The following HABP2 variants were observed in gnomAD, a reference collection of about 807,000 sequenced individuals.
HABP2 encodes hyaluronan binding protein 2, also known as factor VII-activating protease.
A neutral mutation model predicts 66.5 loss-of-function variants in HABP2; 65 were observed. That is an observed-to-expected ratio of 0.98 (90% CI 0.80 to 1.20). HABP2 has a LOEUF of 1.20. Among genes scored for constraint, HABP2 ranks in the 50% most tolerant of loss-of-function variants. The pLI, the probability that HABP2 is intolerant of heterozygous loss-of-function variation, is 0.00. For synonymous variants in HABP2, 263 were observed against 253.9 expected (o/e 1.04, Z -0.34); for missense variants, 786 against 691.0 (o/e 1.14, Z -1.54).
At position 113,565,123 on chromosome 10, in the gene HABP2, C is replaced by A. The variant is rs181887275; in HGVS notation, c.70-2366C>A. 1.1e-3 allele frequency among the ~76,000 whole-genome samples: 168 copies of A among 152,328 alleles called. 1 individual carries two copies. Among genetic ancestry groups the A allele is most frequent in the African/African-American group, 3.8e-3 (160 of 41,566 alleles). ...CCTCCCAAAGTGCTGGGATTACAGG[C>A]GTGAGCCACCACGCCCAGCCAGCGT... On this transcript the variant is annotated intron_variant, in intron 1 of 12. Transcript: ENST00000351270.
intron 12 of HABP2, among the ~76,000 whole-genome samples, 171 bp downstream of exon 12, chr10:113,586,109 G>T (rs974787021): frequency 8.5e-5 from 13 of 152,200 alleles, no homozygotes; most frequent in Admixed American, 6.5e-4. Context: ...ATCTGCATCC[G>T]CATCAACCCA....
chr10:113,556,498 TG>T (rs1268863307), intron 1 of HABP2, among the ~76,000 whole-genome samples: 1 of 152,128 alleles, frequency 6.6e-6, no homozygotes, highest in African/African-American at 2.4e-5. Flanking sequence ...GAGGATTGCT[TG>T]AGGCCAGGAG....
intron 4 of HABP2, 151 bp downstream of exon 4, chr10:113,576,155 G>A: frequency 1.7e-6 from 1 of 600,504 alleles, no homozygotes. Context: ...GTCCCAGGCA[G>A]CCTCTCACTG....
rs140540118 is a variant in HABP2 at position 113,578,764 on chromosome 10, G to A, written c.706G>A (p.Glu236Lys). ...TTACAACATGTTTATGGAGGATGCT[G>A]AAACCCATGGGATTGGGGAACACAA... Reference protein sequence around the residue: ...ENYNMFMEDAETHGIGEHNFC... With the variant: ...ENYNMFMEDAKTHGIGEHNFC... Residue 236 changes from glutamate (E) to lysine (K), a missense_variant, in exon 7 of 13, where the codon GAA becomes AAA. Coordinates refer to ENST00000351270, the MANE Select transcript of HABP2 (RefSeq NM_004132.5). The A allele has an allele frequency of 1.5e-4, 249 of 1,612,344 alleles. 3 individuals are homozygous for A. The highest frequency in any genetic ancestry group is 3.6e-5 in the Non-Finnish European group (42 of 1,178,538).
chr10:113,571,905 C>T (rs999746205), intron 2 of HABP2, among the ~76,000 whole-genome samples: 3 of 152,238 alleles, frequency 2.0e-5, no homozygotes, highest in East Asian at 1.9e-4. Flanking sequence ...AGACAAGTTA[C>T]ATATGCAGAC....
At chr10:113,586,965 G>A (rs1364397340) in intron 12 of HABP2, among the ~76,000 whole-genome samples, 1 of 152,158 alleles carries the variant, frequency 6.6e-6, no homozygotes, top group Non-Finnish European at 1.5e-5. Context: ...TCAGAGGAGG[G>A]GCAGATGGGT....
At chr10:113,580,862 G>A (rs1488605750) in intron 8 of HABP2, among the ~76,000 whole-genome samples, 170 bp downstream of exon 8, 1 of 152,204 alleles carries the variant, frequency 6.6e-6, no homozygotes. Context: ...CCACCAGGAT[G>A]CCAAGCAGGT....
At position 113,553,102 on chromosome 10, in the gene HABP2, C is replaced by A; in HGVS notation, c.-20C>A. The A allele has an allele frequency of 6.2e-7, 1 of 1,602,074 alleles. No homozygotes were observed. The highest frequency in any genetic ancestry group is 8.6e-7 in the Non-Finnish European group (1 of 1,169,154). ...AAGAAATTTTATTGAGAGGAAAACA[C>A]AAGTCCTTAAACTGCAAAGATGTTT... On this transcript the variant is annotated 5_prime_UTR_variant, in exon 1 of 13. Transcript: ENST00000351270.
At chr10:113,576,859 A>T (rs1242245271) in intron 4 of HABP2, among the ~76,000 whole-genome samples, 1 of 152,216 alleles carries the variant, frequency 6.6e-6, no homozygotes, top group African/African-American at 2.4e-5. Flanking sequence ...TTAGCTAGAA[A>T]ATGGAGAGAC....
chr10:113,589,023 A>G lies in HABP2; in HGVS notation c.*654A>G, dbSNP rs1391797554. 1.9e-6 allele frequency: 3 copies of G among 1,614,036 alleles called. No homozygotes were observed. The highest frequency in any genetic ancestry group is 2.5e-6 in the Non-Finnish European group (3 of 1,180,008). ...TTTTGACGTGCAGAATCTCAGTGGC[A>G]TCTGGGTTCACCTCCCCACTCTGAT... On this transcript the variant is annotated 3_prime_UTR_variant, in exon 13 of 13. Coordinates refer to ENST00000351270, the MANE Select transcript of HABP2 (RefSeq NM_004132.5).
In HABP2 at chr10:113,571,095, C is replaced by T. The variant is rs367766101; in HGVS notation, c.107-3194C>T. ...GTCGGTTTGTTATTATTGCATAATA[C>T]GCTACCCCAAACTTAGTAGCTTAAA... On this transcript the variant is annotated intron_variant, in intron 2 of 12. Coordinates refer to ENST00000351270, the MANE Select transcript of HABP2 (RefSeq NM_004132.5). Among the ~76,000 whole-genome samples, 16 of 152,312 alleles carry T rather than the reference C, an allele frequency of 1.1e-4. No homozygotes were observed. In the East Asian group the frequency reaches 1.5e-3, roughly 15 times the overall value.
At chr10:113,556,966 C>A (rs10509981) in intron 1 of HABP2, among the ~76,000 whole-genome samples, 41,039 of 151,910 alleles carry the variant, frequency 0.27, 6,486 homozygotes, top group Non-Finnish European at 0.37. Flanking sequence ...TAGAACTCTT[C>A]CTCTTGACCA....
At chr10:113,565,171 C>A (rs1298094106) in intron 1 of HABP2, among the ~76,000 whole-genome samples, 3 of 152,234 alleles carry the variant, frequency 2.0e-5, no homozygotes, top group Admixed American at 2.0e-4. Flanking sequence ...AGTACATTTT[C>A]CTACAGAACT....
intron 1 of HABP2, among the ~76,000 whole-genome samples, chr10:113,561,021 G>A (rs1833152385): frequency 1.3e-5 from 2 of 152,208 alleles, no homozygotes; most frequent in Non-Finnish European, 2.9e-5. Context: ...CGATAAATGT[G>A]ATGTTCTGTA....
At chr10:113,569,853 G>A (rs2133760732) in intron 2 of HABP2, 1 of 152,448 alleles carries the variant, frequency 6.6e-6, no homozygotes, top group East Asian at 1.9e-4. Flanking sequence ...GGAGCCGTCT[G>A]TGCCACAGTG....
chr10:113,584,236 C>T lies in HABP2; in HGVS notation c.1326C>T (p.Pro442=), dbSNP rs1253135022. The T allele has an allele frequency of 1.9e-6, 3 of 1,613,882 alleles. No homozygotes were observed. The highest frequency in any genetic ancestry group is 1.7e-5 in the Admixed American group (1 of 60,026). ...KTVCLPDGSF[P]SGSECHISGW... ...TGTGCTTGCCTGATGGGTCCTTTCC[C>T]TCTGGGAGTGAGTGCCACATCTCTG... is the stretch of plus-strand genomic sequence containing the variant. Residue 442 remains proline (P), a synonymous_variant, in exon 11 of 13, where the codon CCC becomes CCT. Transcript: ENST00000351270.
Position 113,578,611 on chromosome 10 carries a change from A to G in HABP2, c.569-16A>G, listed in dbSNP as rs781738576. 20 of 1,596,508 alleles carry G rather than the reference A, an allele frequency of 1.3e-5. No individual in the cohort carries two copies. The highest frequency in any genetic ancestry group is 4.3e-6 in the Non-Finnish European group (5 of 1,168,448). ...AATGGCTGTTGGTTCTCACATTGCT[A>G]CCTGCTCTCTCGGAGGTTCTGATGA... On this transcript the variant is annotated splice_polypyrimidine_tract_variant and intron_variant, in intron 6 of 12. Transcript: ENST00000351270.
chr10:113,579,420 A>G (rs773801593), intron 7 of HABP2, among the ~76,000 whole-genome samples: 1 of 152,206 alleles, frequency 6.6e-6, no homozygotes, highest in Non-Finnish European at 1.5e-5. Context: ...ACCTCAACCT[A>G]GAAGGGACAC....
intron 1 of HABP2, among the ~76,000 whole-genome samples, chr10:113,553,649 T>G (rs749556200): frequency 2.2e-4 from 33 of 152,266 alleles, no homozygotes; most frequent in Admixed American, 6.5e-5. Context: ...GCCTGCTGAC[T>G]GCAAAAGATC....
Sources: gnomAD v4.1 joint callset for allele counts (sites outside exome capture counted in the v4.1 genomes callset) on GRCh38, gnomAD v4.1.1 for gene constraint, MANE v1.5 for transcripts, NCBI Gene and HGNC (gene_info 2026-07-23, HGNC 2026-07-21) for gene names.